The following DAB2IP variants were observed in gnomAD, a reference collection of about 807,000 sequenced individuals.
DAB2IP encodes the protein DAB2 interacting protein, also known as disabled homolog 2-interacting protein.
DAB2IP carries 28 observed loss-of-function variants against 107.2 expected under a neutral mutation model. The ratio of observed to expected loss-of-function variants is 0.26; its 90% confidence interval spans 0.19 to 0.36. The LOEUF is 0.36. Among genes scored for constraint, DAB2IP ranks in the 10% least tolerant of loss-of-function variants. DAB2IP has a pLI of 1.00. For synonymous variants in DAB2IP, 755 were observed against 706.4 expected (o/e 1.07, Z -1.09); for missense variants, 1,400 against 1,644.7 (o/e 0.85, Z 2.57).
intron 2 of DAB2IP, among the ~76,000 whole-genome samples, chr9:121,691,401 C>G (rs1044685536): frequency 6.6e-6 from 1 of 151,864 alleles, no homozygotes; most frequent in African/African-American, 2.4e-5. Flanking sequence ...GCAGGAGGAA[C>G]AGCCCAGGCC....
chr9:121,694,146 A>G (rs1434546741), intron 2 of DAB2IP, among the ~76,000 whole-genome samples: 3 of 152,196 alleles, frequency 2.0e-5, no homozygotes, highest in East Asian at 1.9e-4. Flanking sequence ...GAGGCCTAGT[A>G]CAGTGCCTGG....
At chr9:121,641,857 TTTC>T (rs1042632148) in intron 1 of DAB2IP, among the ~76,000 whole-genome samples, 9 of 147,756 alleles carry the variant, frequency 6.1e-5, no homozygotes, top group Non-Finnish European at 8.9e-5. Context: ...TTTTTCTTTC[TTTC>T]TTTTCTTTCT....
At chr9:121,777,006 C>T (rs1326279025) in intron 14 of DAB2IP, among the ~76,000 whole-genome samples, 1 of 152,102 alleles carries the variant, frequency 6.6e-6, no homozygotes, top group Non-Finnish European at 1.5e-5. Flanking sequence ...AATGCTGACT[C>T]TCATCTTTTT....
rs888201624 is a variant in DAB2IP at position 121,622,595 on chromosome 9, T to C, written c.40+55367T>C. On this transcript the variant is annotated intron_variant, in intron 1 of 16. Coordinates refer to the DAB2IP transcript ENST00000259371. ...CCCTCGTGTCGGGGCTCTGCTTTCC[T>C]GTCTCTCTCTCGGGAGGTAAGATTT... Among the ~76,000 whole-genome samples, 4 of 152,336 alleles carry C rather than the reference T, an allele frequency of 2.6e-5. No individual in the cohort carries two copies. In the East Asian group the frequency reaches 7.7e-4, roughly 29 times the overall value.
At chr9:121,617,340 A>G (rs1831314072) in intron 1 of DAB2IP, among the ~76,000 whole-genome samples, 2 of 152,104 alleles carry the variant, frequency 1.3e-5, no homozygotes. Flanking sequence ...AAAACAAAAC[A>G]AAAGGGTGAG....
chr9:121,728,484 A>C (rs190717770), intron 3 of DAB2IP, among the ~76,000 whole-genome samples: 25 of 152,316 alleles, frequency 1.6e-4, no homozygotes, highest in Admixed American at 1.4e-3. Flanking sequence ...GTTTTCTCAG[A>C]TGTAAGGTAG....
chr9:121,629,845 C>T (rs754661347), intron 1 of DAB2IP, among the ~76,000 whole-genome samples: 1 of 152,180 alleles, frequency 6.6e-6, no homozygotes, highest in Non-Finnish European at 1.5e-5. Context: ...GGTTCTGAGA[C>T]AAATCCTCCT....
Position 121,699,428 on chromosome 9 carries a change from GCGCCGC to G in DAB2IP, c.345_350del (p.Ala116_Ala117del), listed in dbSNP as rs769541616. The G allele has an allele frequency of 1.3e-5, 19 of 1,456,308 alleles. No individual in the cohort carries two copies. The highest frequency in any genetic ancestry group is 1.8e-4 in the Middle Eastern group (1 of 5,416). The allele number at this position is 1,456,308 out of a possible 1,614,324, so 90.2% of individuals were successfully genotyped here. On this transcript the variant is annotated inframe_deletion, in exon 3 of 16. Coordinates refer to ENST00000408936, the Ensembl canonical transcript of DAB2IP. The surrounding 1 kb of genome is among the most constrained non-coding windows in gnomAD (Gnocchi z 6.2). ...CGCCACATCCTGCCGGGGTTCCGGA[GCGCCGC>G]CGCCGCCGCCGCGGACAATGAGAGG... is the stretch of plus-strand genomic sequence containing the variant.
intron 1 of DAB2IP, among the ~76,000 whole-genome samples, chr9:121,625,307 T>C (rs1831605023): frequency 6.6e-6 from 1 of 151,456 alleles, no homozygotes; most frequent in African/African-American, 2.4e-5. Context: ...TGGTGTGATC[T>C]TGGCTCACTG....
chr9:121,635,669 T>A lies in DAB2IP; in HGVS notation c.41-43009T>A, dbSNP rs1018888413. 6.6e-6 allele frequency among the ~76,000 whole-genome samples: 1 copy of A among 152,156 alleles called. No homozygotes were observed. ...GCGAGGCCTTGGACAAGAAAGGATA[T>A]CCAGAGCTAGAGAGGGTGGGGCTTG... On this transcript the variant is annotated intron_variant, in intron 1 of 16. Transcript: ENST00000259371. This position sits in a 1 kb window ranked among gnomAD's most constrained non-coding sequence, Gnocchi z 4.3.
At chr9:121,700,224 A>AT (rs1194119591) in intron 3 of DAB2IP, among the ~76,000 whole-genome samples, 1 of 152,098 alleles carries the variant, frequency 6.6e-6, no homozygotes, top group East Asian at 1.9e-4. Context: ...GGTGGGGCAG[A>AT]AGGGGAGAGG....
At chr9:121,598,510 C>G (rs758314445) in intron 1 of DAB2IP, 9 of 152,234 alleles carry the variant, frequency 5.9e-5, no homozygotes, top group Non-Finnish European at 8.8e-5. Context: ...GAGGCACTGC[C>G]GAGGCCGTCC....
chr9:121,595,871 G>T (rs1236781246), intron 1 of DAB2IP, among the ~76,000 whole-genome samples: 1 of 152,130 alleles, frequency 6.6e-6, no homozygotes, highest in Non-Finnish European at 1.5e-5. Context: ...CACGTAGTTT[G>T]TGGAATTACA....
chr9:121,753,553 C>T (rs1245140349), intron 3 of DAB2IP, among the ~76,000 whole-genome samples: 1 of 152,228 alleles, frequency 6.6e-6, no homozygotes, highest in Non-Finnish European at 1.5e-5. Flanking sequence ...GTGGGCATGG[C>T]TCCTGGACTG....
intron 1 of DAB2IP, among the ~76,000 whole-genome samples, chr9:121,615,600 G>A (rs904197489): frequency 6.6e-6 from 1 of 150,566 alleles, no homozygotes; most frequent in Non-Finnish European, 1.5e-5. Flanking sequence ...GGACATGGTA[G>A]CCAAGGACCT....
chr9:121,757,743 G>A (rs1161273775), intron 4 of DAB2IP, among the ~76,000 whole-genome samples: 1 of 152,176 alleles, frequency 6.6e-6, no homozygotes, highest in Non-Finnish European at 1.5e-5. Context: ...AGACCAAGCC[G>A]GGAGCAGGGT....
intron 1 of DAB2IP, chr9:121,575,401 C>T (rs1391313375): frequency 6.6e-6 from 1 of 152,218 alleles, no homozygotes. Flanking sequence ...GCTGGCTCCT[C>T]CGCCACGGGA....
At chr9:121,730,493 C>T (rs895627753) in intron 3 of DAB2IP, among the ~76,000 whole-genome samples, 1 of 152,170 alleles carries the variant, frequency 6.6e-6, no homozygotes, top group African/African-American at 2.4e-5. Flanking sequence ...AACCTATCAC[C>T]CTCTCCTTTT....
chr9:121,632,984 C>T (rs1005787925), intron 1 of DAB2IP, among the ~76,000 whole-genome samples: 1 of 152,216 alleles, frequency 6.6e-6, no homozygotes, highest in Non-Finnish European at 1.5e-5. Flanking sequence ...TCGGGGGGCT[C>T]CCCAACCCTG....
Sources: gnomAD v4.1 joint callset for allele counts (sites outside exome capture counted in the v4.1 genomes callset) on GRCh38, gnomAD v4.1.1 for gene constraint, Gnocchi (gnomAD v3.1) non-coding constraint, MANE v1.5 for transcripts, NCBI Gene and HGNC (gene_info 2026-07-23, HGNC 2026-07-21) for gene names.